ITGAE: variants seen among roughly 807,000 people sequenced by gnomAD.
ITGAE encodes integrin subunit alpha E.
In ITGAE, 99 loss-of-function variants were observed where a neutral mutation model predicts 136.5. The observed-to-expected ratio is 0.73, with a 90% CI of 0.62 to 0.86. ITGAE has a LOEUF of 0.86. ITGAE is among the 40% of genes least tolerant of loss of function. The probability of loss-of-function intolerance (pLI) is 0.00; values close to 1 mark genes in which losing one functional copy is unlikely to be tolerated. For synonymous variants in ITGAE, 613 were observed against 591.8 expected, an observed-to-expected ratio of 1.04 and a Z score of -0.52; for missense variants, 1,447 against 1,515.3, an observed-to-expected ratio of 0.95 and a Z score of 0.75.
intron 1 of ITGAE, among the ~76,000 whole-genome samples, chr17:3,788,489 G>A (rs1350856549): frequency 1.4e-5 from 2 of 142,218 alleles, no homozygotes; most frequent in Non-Finnish European, 3.0e-5. Flanking sequence ...TGGTAGAGGC[G>A]AGGTTTCACT....
intron 2 of ITGAE, among the ~76,000 whole-genome samples, chr17:3,765,400 CA>C (rs1555524343): frequency 1.4e-5 from 2 of 146,904 alleles, no homozygotes; most frequent in African/African-American, 2.5e-5. Context: ...TGGGTTGGGA[CA>C]GACTAAAGAG....
chr17:3,795,377 C>T (rs955841205), intron 1 of ITGAE, among the ~76,000 whole-genome samples: 7 of 152,228 alleles, frequency 4.6e-5, no homozygotes, highest in Non-Finnish European at 7.3e-5. Context: ...CCTTTCCTCA[C>T]GCCACCCCAC....
chr17:3,785,555 G>GAAGA lies in ITGAE; in HGVS notation c.35-7896_35-7895insTCTT, dbSNP rs1333736049. Among the ~76,000 whole-genome samples, 16 of 147,458 alleles carry GAAGA rather than the reference G, an allele frequency of 1.1e-4. No homozygotes were observed. The East Asian group carries it at 3.0e-3, about 28-fold the overall frequency. On this transcript the variant is annotated intron_variant, in intron 1 of 30. Coordinates refer to ENST00000263087, the MANE Select transcript of ITGAE (RefSeq NM_002208.5). The stretch of plus-strand genomic sequence containing the variant: ...GGAAGGAAGGAAGGAAGGAAGGAAG[G>GAAGA]AAAACTAGAAAAATCTGAACCTCGT...
At chr17:3,733,385 T>G (rs1349203428) in intron 21 of ITGAE, among the ~76,000 whole-genome samples, 1 of 152,198 alleles carries the variant, frequency 6.6e-6, no homozygotes, top group Non-Finnish European at 1.5e-5. Context: ...ATTTATTGAC[T>G]CACTGCAATG....
chr17:3,753,266 T>C (rs1445048741), intron 14 of ITGAE, 24 bp downstream of exon 14: 1 of 1,608,356 alleles, frequency 6.2e-7, no homozygotes, highest in African/African-American at 1.3e-5. Context: ...CTCAGCAAGC[T>C]CATGAAGATG....
chr17:3,738,106 G>A (rs769996680), intron 20 of ITGAE, among the ~76,000 whole-genome samples: 108 of 152,184 alleles, frequency 7.1e-4, no homozygotes, highest in Non-Finnish European at 1.3e-3. Context: ...CAGCCAGCTG[G>A]CCAACAGAAT....
intron 20 of ITGAE, 33 bp downstream of exon 20, chr17:3,739,772 A>G: frequency 6.3e-7 from 1 of 1,584,890 alleles, no homozygotes; most frequent in Non-Finnish European, 8.7e-7. Context: ...GGAGAAGGTT[A>G]ATCGAGGAAA....
intron 1 of ITGAE, among the ~76,000 whole-genome samples, chr17:3,789,570 G>A (rs1361343348): frequency 2.0e-5 from 3 of 149,434 alleles, no homozygotes; most frequent in African/African-American, 2.5e-5. Context: ...GTGCAATCTC[G>A]GCTCACTGCA....
intron 16 of ITGAE, among the ~76,000 whole-genome samples, chr17:3,749,076 G>A (rs2051793486): frequency 6.6e-6 from 1 of 152,040 alleles, no homozygotes; most frequent in African/African-American, 2.4e-5. Context: ...TGGTCTGGAG[G>A]CAGAGCCAAC....
chr17:3,754,997 C>G, intron 12 of ITGAE, 120 bp downstream of exon 12: 1 of 1,190,374 alleles, frequency 8.4e-7, no homozygotes, highest in Non-Finnish European at 1.1e-6. Flanking sequence ...AGGCCCCACC[C>G]TCGCCCAGGT....
At position 3,753,975 on chromosome 17, in the gene ITGAE, CCT is replaced by C. The variant is rs765882249; in HGVS notation, c.1385-52_1385-51del. Reference sequence around the variant, plus strand: ...GAACACACCGTGTGCTCCCACCTGGCCTCTCTCTTGGCCCCGGCACCTTCCCA... The same window carrying C: ...GAACACACCGTGTGCTCCCACCTGGCCTCTCTTGGCCCCGGCACCTTCCCA... On this transcript the variant is annotated intron_variant, in intron 12 of 30. Coordinates refer to ENST00000263087, the MANE Select transcript of ITGAE (RefSeq NM_002208.5). The C allele has an allele frequency of 4.4e-6, 7 of 1,590,468 alleles. No homozygotes were observed. In the South Asian group the frequency reaches 6.6e-5, roughly 15 times the overall value.
chr17:3,759,020 G>T (rs1190544613), intron 8 of ITGAE, among the ~76,000 whole-genome samples: 5 of 151,658 alleles, frequency 3.3e-5, no homozygotes, highest in African/African-American at 1.2e-4. Flanking sequence ...AGCTACTCGG[G>T]AGGCTGAGGC....
In ITGAE at chr17:3,723,558, A is replaced by T. The variant is rs540778089; in HGVS notation, c.3141+130T>A. On this transcript the variant is annotated intron_variant, in intron 27 of 30. Coordinates refer to ENST00000263087, the MANE Select transcript of ITGAE (RefSeq NM_002208.5). Reference sequence around the variant, plus strand: ...GGGAGCAATTGAGACCCAGGGACGAAGCTAGGGAGGGCCTGGCAGCCCCCG... The same window carrying T: ...GGGAGCAATTGAGACCCAGGGACGATGCTAGGGAGGGCCTGGCAGCCCCCG... 201 of 1,096,504 alleles carry T rather than the reference A, an allele frequency of 1.8e-4. 2 individuals carry two copies. In the South Asian group the frequency reaches 2.8e-3, roughly 15 times the overall value. 67.9% of individuals were successfully genotyped at this position (1,096,504 alleles called of 1,614,324 possible).
Position 3,745,814 on chromosome 17 carries a change from T to G in ITGAE, c.2269A>C (p.Ser757Arg), listed in dbSNP as rs759627775. 1.9e-6 allele frequency: 3 copies of G among 1,614,134 alleles called. No homozygotes were observed. Among genetic ancestry groups the G allele is most frequent in the South Asian group, 2.2e-5 (2 of 91,082 alleles). Residue 757 changes from serine to arginine, a missense_variant, in exon 18 of 31, where the codon AGC (serine) becomes CGC (arginine). Around this residue, in one of 3 missense-constraint regions of ITGAE, gnomAD observed 1,031 missense variants for 1,011.4 expected, o/e 1.02. Coordinates refer to ENST00000263087, the MANE Select transcript of ITGAE (RefSeq NM_002208.5). ...AGGTCCTCACAAAGCTGGGATCCGC[T>G]GCTCCACTCCCTCAGGCAGCCCAGA... The part of the protein sequence containing the change: ...SCLGCLREWS[S>R]GSQLCEDLLL...
chr17:3,720,196 C>A, intron 29 of ITGAE, 111 bp downstream of exon 29: 1 of 616,766 alleles, frequency 1.6e-6, no homozygotes, highest in Non-Finnish European at 2.9e-6. Flanking sequence ...GAGCCAAGAT[C>A]AGAAGTGTTA....
chr17:3,769,786 T>C (rs140426613), intron 2 of ITGAE, among the ~76,000 whole-genome samples: 2 of 152,034 alleles, frequency 1.3e-5, no homozygotes, highest in Non-Finnish European at 2.9e-5. Flanking sequence ...CTGGTTCAAG[T>C]GATTCTCCTG....
chr17:3,740,440 G>C (rs146907408), intron 19 of ITGAE, among the ~76,000 whole-genome samples: 61 of 152,114 alleles, frequency 4.0e-4, no homozygotes, highest in Non-Finnish European at 6.0e-4. Flanking sequence ...GCAATGGCGC[G>C]ATCTCGGCTC....
chr17:3,760,167 C>G lies in ITGAE; in HGVS notation c.714+5G>C, dbSNP rs1216361184. ...AAGTGTTAACCAGCTCTTAGGGAAG[C>G]CCACCTCAAAACACTTTTCATAGAA... On this transcript the variant is annotated splice_donor_5th_base_variant and intron_variant, in intron 7 of 30. Coordinates refer to ENST00000263087, the MANE Select transcript of ITGAE (RefSeq NM_002208.5). 5.1e-6 allele frequency: 8 copies of G among 1,564,478 alleles called. No homozygotes were observed. Among genetic ancestry groups the G allele is most frequent in the Non-Finnish European group, 7.0e-6 (8 of 1,135,166 alleles).
chr17:3,774,381 T>G (rs969997009), intron 2 of ITGAE, among the ~76,000 whole-genome samples: 1 of 151,670 alleles, frequency 6.6e-6, no homozygotes, highest in African/African-American at 2.4e-5. Flanking sequence ...AAATCACTGC[T>G]TTGGATTGAA....
Sources: allele counts gnomAD v4.1 joint callset (sites outside exome capture counted in the v4.1 genomes callset), GRCh38; gene constraint gnomAD v4.1.1; regional missense constraint gnomAD v4.1.1; transcripts MANE v1.5; gene names NCBI Gene and HGNC (gene_info 2026-07-23, HGNC 2026-07-21).